ECPAS: variants seen among roughly 807,000 people sequenced by gnomAD.
The protein encoded by ECPAS is Ecm29 proteasome adaptor and scaffold, also known as proteasome adapter and scaffold protein ECM29.
A neutral mutation model predicts 255.1 loss-of-function variants in ECPAS; 70 were observed. That is an observed-to-expected ratio of 0.27 (90% CI 0.23 to 0.33). ECPAS has a LOEUF of 0.33. Ranked by LOEUF, ECPAS falls within the 10% of genes least tolerant of loss-of-function variation. ECPAS has a pLI of 1.00. For missense variants in ECPAS, 1,817 were observed against 2,206.4 expected (o/e 0.82, Z 3.54); for synonymous variants, 784 against 775.0 (o/e 1.01, Z -0.19).
intron 13 of ECPAS, 91 bp from the exon 14 acceptor site, chr9:111,422,291 C>A: frequency 7.4e-7 from 1 of 1,346,036 alleles, no homozygotes; most frequent in South Asian, 1.3e-5. Context: ...TTTTCCTGAA[C>A]TCTCTGAAGA....
rs1463367891 is a variant in ECPAS, at chr9:111,416,256, T to C, written c.1764+16A>G. ...AACACTTACAAAAAGTAAATAGAAA[T>C]ATATGAAAGTTCTACCTCTCCAAAG... On this transcript the variant is annotated intron_variant, in intron 18 of 49. Coordinates refer to ENST00000684092, the MANE Select transcript of ECPAS (RefSeq NM_001364929.1). 1 of 1,585,022 alleles carries C rather than the reference T, an allele frequency of 6.3e-7. No individual in the cohort carries two copies. The highest frequency in any genetic ancestry group is 1.1e-5 in the South Asian group (1 of 90,438).
At position 111,390,072 on chromosome 9, in the gene ECPAS, C is replaced by A; in HGVS notation, c.3191G>T (p.Cys1064Phe). 6.3e-7 allele frequency: 1 copy of A among 1,593,378 alleles called. No homozygotes were observed. Among genetic ancestry groups the A allele is most frequent in the Non-Finnish European group, 8.6e-7 (1 of 1,165,294 alleles). The part of the protein sequence containing the change: ...GQGLSTYKEL[C>F]SLASDLSQPD... The stretch of plus-strand genomic sequence containing the variant: ...CTGGCTAAGATCACTTGCCAGAGAA[C>A]AAAGTTCCTTGTAAGTAGAAAGGCC... The change falls in exon 30 of 50, where the codon TGT becomes TTT. Residue 1064 changes from cysteine (C) to phenylalanine (F), a missense_variant. By Grantham distance (205) the Cys-to-Phe change is radical. This residue lies in a region of ECPAS where 960 missense variants were observed against 1,179.0 expected (regional missense o/e 0.81). Transcript: ENST00000684092.
In ECPAS at chr9:111,474,360, T is replaced by G. The variant is rs550932791; in HGVS notation, c.-82-1360A>C. ...TAACTCCTCCCTTCTTCAACAACCC[T>G]CATCTCGTCAGCCAACAATTTCTCC... On this transcript the variant is annotated intron_variant, in intron 1 of 49. Coordinates refer to ENST00000684092, the MANE Select transcript of ECPAS (RefSeq NM_001364929.1). 4.3e-4 allele frequency among the ~76,000 whole-genome samples: 65 copies of G among 152,298 alleles called. 1 individual carries two copies. The highest frequency in any genetic ancestry group is 2.1e-3 in the South Asian group (10 of 4,812).
At position 111,451,525 on chromosome 9, in the gene ECPAS, C is replaced by G; in HGVS notation, c.53G>C (p.Gly18Ala). 1 of 1,575,034 alleles carries G rather than the reference C, an allele frequency of 6.3e-7. No individual in the cohort carries two copies. ...DQLERVFLRL[G>A]HAETDEQLQN... ...TAATTGTTCATCTGTTTCAGCATGG[C>G]CAAGTCGTAAAAAGACCCGTTCAAG... Residue 18 changes from glycine (G) to alanine (A), a missense_variant, in exon 3 of 50, where the codon GGC (glycine) becomes GCC (alanine). By Grantham distance (60) the Gly-to-Ala change is moderately conservative. Coordinates refer to ENST00000684092, the MANE Select transcript of ECPAS (RefSeq NM_001364929.1).
intron 7 of ECPAS, among the ~76,000 whole-genome samples, chr9:111,434,123 G>A (rs1001296874): frequency 1.3e-5 from 2 of 151,926 alleles, no homozygotes; most frequent in Admixed American, 1.3e-4. Flanking sequence ...ACATATACTA[G>A]GATTAATAAA....
chr9:111,455,749 T>C (rs891079632), intron 2 of ECPAS, among the ~76,000 whole-genome samples: 2 of 152,236 alleles, frequency 1.3e-5, no homozygotes, highest in Non-Finnish European at 2.9e-5. Flanking sequence ...TGACCATCTC[T>C]GGTGGATACC....
chr9:111,422,247 G>T (rs915383591), intron 13 of ECPAS, 47 bp from the exon 14 acceptor site: 2 of 1,558,902 alleles, frequency 1.3e-6, no homozygotes, highest in Non-Finnish European at 1.8e-6. Flanking sequence ...ATTTCCAAGA[G>T]ATGAAAAAGG....
In ECPAS at chr9:111,412,094, A is replaced by T. The variant is rs775140257; in HGVS notation, c.2134T>A (p.Ser712Thr). The change falls in exon 21 of 50, where the codon TCT (serine) becomes ACT (threonine). Residue 712 changes from serine (S) to threonine (T), a missense_variant. Ser to Thr is a moderately conservative substitution (Grantham distance 58). Transcript: ENST00000684092. ...EMRELAALFY[S>T]VVVSTVSGNE... The stretch of plus-strand genomic sequence containing the variant: ...CCCGACACTGTTGATACCACTACAG[A>T]ATAAAACAACGCTGCCAGTTCGCGC... The T allele has an allele frequency of 6.3e-7, 1 of 1,598,628 alleles. No individual in the cohort carries two copies. The highest frequency in any genetic ancestry group is 8.5e-7 in the Non-Finnish European group (1 of 1,175,718).
chr9:111,398,306 T>A (rs2098170559), intron 24 of ECPAS, among the ~76,000 whole-genome samples: 2 of 152,214 alleles, frequency 1.3e-5, no homozygotes, highest in Admixed American at 1.3e-4. Context: ...TTCAACATAA[T>A]CCTTATTAGG....
At chr9:111,482,358 C>T (rs1370251274) in intron 1 of ECPAS, among the ~76,000 whole-genome samples, 3 of 152,344 alleles carry the variant, frequency 2.0e-5, no homozygotes, top group South Asian at 4.1e-4. Flanking sequence ...TTAATCTCTC[C>T]AAACCTGCCT....
chr9:111,366,507 C>A lies in ECPAS; in HGVS notation c.5219+15G>T. 6.3e-7 allele frequency: 1 copy of A among 1,578,024 alleles called. No homozygotes were observed. The highest frequency in any genetic ancestry group is 1.3e-5 in the African/African-American group (1 of 74,266). ...GGAGGAACAAAATAAAAAACTGAGCCATGAAGCAATTTACCCCTGAAAAAA... is the reference window on the plus strand; with the variant it reads ...GGAGGAACAAAATAAAAAACTGAGCAATGAAGCAATTTACCCCTGAAAAAA... On this transcript the variant is annotated intron_variant, in intron 47 of 49. Coordinates refer to ENST00000684092, the MANE Select transcript of ECPAS (RefSeq NM_001364929.1).
chr9:111,425,323 A>C (rs1352121221), intron 12 of ECPAS, 95 bp downstream of exon 12: 1 of 785,636 alleles, frequency 1.3e-6, no homozygotes, highest in Non-Finnish European at 1.9e-6. Flanking sequence ...AAACTTTAAC[A>C]AACTTTTAAC....
intron 1 of ECPAS, 100 bp from the exon 2 acceptor site, chr9:111,473,100 T>C (rs1589240122): frequency 4.4e-6 from 1 of 228,750 alleles, no homozygotes; most frequent in Non-Finnish European, 7.6e-6. Flanking sequence ...GTTAGATCTT[T>C]GATGCCCTGC....
At chr9:111,406,336 ATGG>A (rs1171653424) in intron 24 of ECPAS, among the ~76,000 whole-genome samples, 1 of 149,748 alleles carries the variant, frequency 6.7e-6, no homozygotes, top group Non-Finnish European at 1.5e-5. Context: ...TAGTGAACAA[ATGG>A]TGGTTACCAG....
intron 10 of ECPAS, among the ~76,000 whole-genome samples, chr9:111,427,216 G>A (rs913183561): frequency 4.0e-5 from 6 of 150,882 alleles, no homozygotes; most frequent in African/African-American, 1.2e-4. Flanking sequence ...CAAGACTAGA[G>A]GCAGGAAGGT....
intron 43 of ECPAS, among the ~76,000 whole-genome samples, chr9:111,371,326 G>A (rs1301496054): frequency 1.3e-5 from 2 of 152,160 alleles, no homozygotes; most frequent in Non-Finnish European, 2.9e-5. Context: ...TGTTCATGAG[G>A]TCAACAGGTA....
intron 7 of ECPAS, among the ~76,000 whole-genome samples, chr9:111,433,755 C>G (rs2098233581): frequency 6.6e-6 from 1 of 152,104 alleles, no homozygotes; most frequent in South Asian, 2.1e-4. Flanking sequence ...TCTTGAAGTC[C>G]AAATTTGGGG....
In ECPAS at chr9:111,366,385, T is replaced by C. The variant is rs1337673495; in HGVS notation, c.5220-58A>G. ...AATTATTAAGAAACAGTCTAAAACT[T>C]TCCTGTCACAATTTCTATCTGTATG... On this transcript the variant is annotated intron_variant, in intron 47 of 49. Transcript: ENST00000684092. The C allele has an allele frequency of 7.8e-6, 11 of 1,407,266 alleles. No individual in the cohort carries two copies. In the African/African-American group the frequency reaches 1.6e-4, roughly 20 times the overall value. The allele number at this position is 1,407,266 out of a possible 1,614,324, so 87.2% of individuals were successfully genotyped here.
chr9:111,391,581 CAAA>C (rs367705478), intron 29 of ECPAS, among the ~76,000 whole-genome samples, 172 bp downstream of exon 29: 6 of 104,334 alleles, frequency 5.8e-5, no homozygotes, highest in African/African-American at 7.1e-5. Flanking sequence ...GGCTCCATCT[CAAA>C]AAAAAAAAAA....
Sources: allele counts gnomAD v4.1 joint callset (sites outside exome capture counted in the v4.1 genomes callset), GRCh38; gene constraint gnomAD v4.1.1; regional missense constraint gnomAD v4.1.1; transcripts MANE v1.5; gene names NCBI Gene and HGNC (gene_info 2026-07-23, HGNC 2026-07-21).